ITGB8: variants seen among roughly 807,000 people sequenced by gnomAD.
ITGB8 encodes the protein integrin beta-8.
Under a neutral mutation model 89.5 loss-of-function variants are expected in ITGB8, and 30 were observed. That is an observed-to-expected ratio of 0.34 (90% confidence interval 0.25 to 0.45). ITGB8 has a LOEUF of 0.45. Ranked by LOEUF, ITGB8 falls within the 20% of genes least tolerant of loss-of-function variation. The pLI is 1.00. For synonymous variants in ITGB8, 335 were observed against 320.4 expected (o/e 1.05, Z -0.49); for missense variants, 836 against 933.3 (o/e 0.90, Z 1.36).
chr7:20,405,553 C>T (rs561872885), intron 11 of ITGB8, among the ~76,000 whole-genome samples: 5 of 151,320 alleles, frequency 3.3e-5, no homozygotes, highest in Admixed American at 6.6e-5. Context: ...CTCCTGACCT[C>T]GTGATCCACC....
At chr7:20,380,041 C>T (rs1786314210) in intron 4 of ITGB8, 1 of 152,166 alleles carries the variant, frequency 6.6e-6, no homozygotes, top group Non-Finnish European at 1.5e-5. Context: ...CTTTACAATA[C>T]ACATTCCAAT....
At position 20,390,111 on chromosome 7, in the gene ITGB8, C is replaced by T. The variant is rs117547541; in HGVS notation, c.961-1292C>T. 4.9e-3 allele frequency among the ~76,000 whole-genome samples: 741 copies of T among 152,184 alleles called. 5 individuals carry two copies. Among genetic ancestry groups the T allele is most frequent in the Non-Finnish European group, 8.0e-3 (542 of 67,982 alleles). ...CCAAGTTCACATAGTTGTCACAATA[C>T]AGAAATGTTTACCAAGTTGGTTTAA... On this transcript the variant is annotated intron_variant, in intron 6 of 13. Coordinates refer to ENST00000222573, the MANE Select transcript of ITGB8 (RefSeq NM_002214.3).
At chr7:20,406,364 AAC>A (rs1787543162) in intron 12 of ITGB8, among the ~76,000 whole-genome samples, 193 bp downstream of exon 12, 2 of 152,190 alleles carry the variant, frequency 1.3e-5, no homozygotes, top group African/African-American at 2.4e-5. Flanking sequence ...CAGCCTGGCC[AAC>A]GTGGTGAAAC....
chr7:20,378,940 TG>T, intron 3 of ITGB8, 110 bp from the exon 4 acceptor site: 1 of 628,306 alleles, frequency 1.6e-6, no homozygotes, highest in Non-Finnish European at 2.5e-6. Context: ...AAATTTTATG[TG>T]CAAATTTGTG....
At chr7:20,361,768 AG>A (rs1383083498) in intron 1 of ITGB8, among the ~76,000 whole-genome samples, 1 of 152,200 alleles carries the variant, frequency 6.6e-6, no homozygotes, top group African/African-American at 2.4e-5. Context: ...CAGATTTTAC[AG>A]TTTGGCAGCC....
rs1787725265 is a variant in ITGB8 at position 20,410,549 on chromosome 7, AAG to A, written c.*554_*555del. On this transcript the variant is annotated 3_prime_UTR_variant, in exon 14 of 14. Transcript: ENST00000222573. ...TGAACAGATACAACCTTAATCTTAA[AAG>A]ATTATTGCTTTTTAAAGTGTGTAGT... 1 of 152,358 alleles carries A rather than the reference AAG, an allele frequency of 6.6e-6. No homozygotes were observed. The highest frequency in any genetic ancestry group is 2.4e-5 in the African/African-American group (1 of 41,450). 9.4% of individuals were successfully genotyped at this position (152,358 alleles called of 1,614,324 possible). A position where few individuals can be genotyped will look rare whatever the true frequency, so the allele number is the denominator to read the frequency against.
intron 1 of ITGB8, among the ~76,000 whole-genome samples, chr7:20,359,868 G>C (rs892026104): frequency 5.9e-5 from 9 of 152,088 alleles, no homozygotes; most frequent in Non-Finnish European, 1.0e-4. Flanking sequence ...AGTGTATCTG[G>C]CATGTCTTCT....
intron 1 of ITGB8, among the ~76,000 whole-genome samples, chr7:20,361,215 C>A (rs1432645179): frequency 6.6e-6 from 1 of 152,112 alleles, no homozygotes; most frequent in African/African-American, 2.4e-5. Context: ...TAACTGCCAA[C>A]ACAAAAGTCT....
chr7:20,377,177 C>T (rs973257602), intron 3 of ITGB8, among the ~76,000 whole-genome samples: 6 of 152,292 alleles, frequency 3.9e-5, no homozygotes, highest in African/African-American at 1.4e-4. Flanking sequence ...TGCTGGGTCC[C>T]TGGCACAATA....
intron 1 of ITGB8, among the ~76,000 whole-genome samples, chr7:20,334,054 A>G (rs945125940): frequency 1.3e-5 from 2 of 152,218 alleles, no homozygotes; most frequent in African/African-American, 4.8e-5. Context: ...CAGAAGCTGC[A>G]TAAGACCAGC....
intron 1 of ITGB8, chr7:20,352,482 C>T (rs755523963): frequency 1.3e-5 from 2 of 152,142 alleles, no homozygotes; most frequent in Non-Finnish European, 2.9e-5. Flanking sequence ...GTTTCAAACA[C>T]AAATGAAAAA....
At chr7:20,375,612 A>C (rs900353726) in intron 3 of ITGB8, among the ~76,000 whole-genome samples, 1 of 152,236 alleles carries the variant, frequency 6.6e-6, no homozygotes, top group Admixed American at 6.5e-5. Flanking sequence ...GAAAGATACC[A>C]GAAATTTAAA....
rs1163960569 is a variant in ITGB8 at position 20,413,859 on chromosome 7, A to G, written c.*3862A>G. On this transcript the variant is annotated 3_prime_UTR_variant, in exon 14 of 14. Coordinates refer to ENST00000222573, the MANE Select transcript of ITGB8 (RefSeq NM_002214.3). ...GATTGCATTCTGTTATGTTGACTCA[A>G]TATTTAATTTACAACTATCCTTATT... 1.3e-5 allele frequency: 2 copies of G among 152,144 alleles called. No homozygotes were observed. The highest frequency in any genetic ancestry group is 2.9e-5 in the Non-Finnish European group (2 of 67,978). The allele number at this position is 152,144 out of a possible 1,614,324, so 9.4% of individuals were successfully genotyped here.
intron 3 of ITGB8, among the ~76,000 whole-genome samples, chr7:20,370,865 C>T (rs1222309061): frequency 3.9e-5 from 6 of 152,258 alleles, no homozygotes; most frequent in Middle Eastern, 3.4e-3. Flanking sequence ...CCACCAGCCT[C>T]GGCTTCCCAA....
In ITGB8 at chr7:20,367,000, T is replaced by C; in HGVS notation, c.214-12T>C. 9 of 1,589,812 alleles carry C rather than the reference T, an allele frequency of 5.7e-6. No homozygotes were observed. Among genetic ancestry groups the C allele is most frequent in the Non-Finnish European group, 7.7e-6 (9 of 1,167,996 alleles). On this transcript the variant is annotated splice_polypyrimidine_tract_variant and intron_variant, in intron 2 of 13. Transcript: ENST00000222573. The stretch of plus-strand genomic sequence containing the variant: ...CACTAAAAACATCAGTGATTTTCTT[T>C]CTTTTAAACAGGATTTCATTTCAGG...
At chr7:20,365,207 A>C (rs564816782) in intron 2 of ITGB8, 2 of 152,444 alleles carry the variant, frequency 1.3e-5, no homozygotes, top group African/African-American at 4.8e-5. Flanking sequence ...TGATAGAAAG[A>C]GCTAAGTCAA....
At chr7:20,378,375 C>A (rs1169562687) in intron 3 of ITGB8, among the ~76,000 whole-genome samples, 1 of 152,176 alleles carries the variant, frequency 6.6e-6, no homozygotes, top group African/African-American at 2.4e-5. Flanking sequence ...CTGACCCCTA[C>A]CTTCCCCAGG....
chr7:20,398,929 A>G lies in ITGB8; in HGVS notation c.1216A>G (p.Ile406Val). Residue 406 changes from isoleucine to valine, a missense_variant, in exon 9 of 14, where the codon ATC becomes GTC. Ile to Val is a conservative substitution (Grantham distance 29). Coordinates refer to ENST00000222573, the MANE Select transcript of ITGB8 (RefSeq NM_002214.3). ...AGGCATCTATTTTAACATTACCGCC[A>G]TCTGTCCAGATGGGTCCAGAAAGCC... ...VQGIYFNITA[I>V]CPDGSRKPGM... is the part of the protein sequence containing the mutation. The G allele has an allele frequency of 1.2e-6, 2 of 1,612,234 alleles. No individual in the cohort carries two copies. Among genetic ancestry groups the G allele is most frequent in the African/African-American group, 1.3e-5 (1 of 74,932 alleles).
intron 3 of ITGB8, 21 bp from the exon 4 acceptor site, chr7:20,379,030 G>A (rs553553548): frequency 1.4e-5 from 21 of 1,553,516 alleles, no homozygotes; most frequent in Middle Eastern, 2.2e-4. Flanking sequence ...ACTACATGAT[G>A]TTTTTCTTCT....
Sources: gnomAD v4.1 joint callset for allele counts (sites outside exome capture counted in the v4.1 genomes callset) on GRCh38, gnomAD v4.1.1 for gene constraint, MANE v1.5 for transcripts, NCBI Gene and HGNC (gene_info 2026-07-23, HGNC 2026-07-21) for gene names.